The following PPM1G variants were observed in gnomAD, a reference collection of about 807,000 sequenced individuals.
The protein encoded by PPM1G is protein phosphatase, Mg2+/Mn2+ dependent 1G.
PPM1G carries 12 observed loss-of-function variants against 59.4 expected under a neutral mutation model. The ratio of observed to expected loss-of-function variants is 0.20; its 90% CI spans 0.13 to 0.33. The LOEUF (loss-of-function observed/expected upper bound fraction) is 0.33, where lower values mean the gene tolerates loss of function less well. PPM1G is among the 10% of genes least tolerant of loss of function. The pLI, the probability that PPM1G is intolerant of heterozygous loss-of-function variation, is 1.00. For missense variants in PPM1G, 392 were observed against 681.3 expected (o/e 0.58, Z 4.73); for synonymous variants, 245 against 251.9 (o/e 0.97, Z 0.26).
At chr2:27,386,855 A>T (rs1683776800) in intron 2 of PPM1G, 1 of 366,556 alleles carries the variant, frequency 2.7e-6, no homozygotes. Context: ...TTTAAAAAAT[A>T]AAAATAAAAA....
At chr2:27,393,137 T>TC in intron 1 of PPM1G, 2 of 1,374,172 alleles carry the variant, frequency 1.5e-6, no homozygotes, top group Non-Finnish European at 1.0e-6. Context: ...TTCGGCCACC[T>TC]CGTTGGTTCT....
chr2:27,405,471 T>G (rs895794587), intron 1 of PPM1G, among the ~76,000 whole-genome samples: 1 of 151,880 alleles, frequency 6.6e-6, no homozygotes, highest in Non-Finnish European at 1.5e-5. Context: ...GTTTGTTTTT[T>G]TGAGACGGAG....
rs1162601399 is a variant in PPM1G, at chr2:27,382,434, T to C, written c.1331+42A>G. On this transcript the variant is annotated intron_variant, in intron 8 of 9. Coordinates refer to ENST00000344034, the MANE Select transcript of PPM1G (RefSeq NM_177983.3). This position sits in a 1 kb window ranked among gnomAD's most constrained non-coding sequence, Gnocchi z 4.2. ...GCCCTGAGTCCTATAAGAGAAGACA[T>C]GCTGCAGAAAGGGGAATTTAGGGCA... The C allele has an allele frequency of 6.2e-7, 1 of 1,612,078 alleles. No homozygotes were observed. The highest frequency in any genetic ancestry group is 1.7e-5 in the Admixed American group (1 of 59,852).
intron 1 of PPM1G, among the ~76,000 whole-genome samples, chr2:27,397,323 C>T (rs1003077875): frequency 6.6e-6 from 1 of 151,788 alleles, no homozygotes; most frequent in African/African-American, 2.4e-5. Flanking sequence ...AAGAAGACAA[C>T]ACTTCCCAAT....
Position 27,382,112 on chromosome 2 carries a change from A to T in PPM1G, c.1434+14T>A. 1 of 1,609,884 alleles carries T rather than the reference A, an allele frequency of 6.2e-7. No homozygotes were observed. Among genetic ancestry groups the T allele is most frequent in the Non-Finnish European group, 8.5e-7 (1 of 1,176,310 alleles). ...GCAGACCAGACACCCTCTCTTCTCC[A>T]CCCTGGTACTCACCTCTTCCACAAT... On this transcript the variant is annotated intron_variant, in intron 9 of 9. Coordinates refer to ENST00000344034, the MANE Select transcript of PPM1G (RefSeq NM_177983.3). The surrounding 1 kb of genome is among the most constrained non-coding windows in gnomAD (Gnocchi z 4.2).
In PPM1G at chr2:27,383,230, G is replaced by A; in HGVS notation, c.1201+136C>T. 1.4e-6 allele frequency: 1 copy of A among 697,308 alleles called. No individual in the cohort carries two copies. Among genetic ancestry groups the A allele is most frequent in the East Asian group, 2.6e-5 (1 of 37,910 alleles). 43.2% of individuals were successfully genotyped at this position (697,308 alleles called of 1,614,324 possible). ...CTCTACCCATCTTAGTTATTTCACA[G>A]AAATATAAGAACAGAGGTAGTAGAT... is the stretch of plus-strand genomic sequence containing the variant. On this transcript the variant is annotated intron_variant, in intron 7 of 9. Transcript: ENST00000344034. This position sits in a 1 kb window ranked among gnomAD's most constrained non-coding sequence, Gnocchi z 5.0.
At chr2:27,381,952 A>G in intron 9 of PPM1G, 147 bp from the exon 10 acceptor site, 6 of 993,864 alleles carry the variant, frequency 6.0e-6, no homozygotes, top group South Asian at 1.5e-5. Context: ...CTGCTAGTCC[A>G]TAAGGCATAA....
chr2:27,393,392 G>T, intron 1 of PPM1G: 2 of 1,450,188 alleles, frequency 1.4e-6, no homozygotes, highest in Non-Finnish European at 1.9e-6. Context: ...AGAGGCGGCG[G>T]CAGCGGCAGT....
rs757161680 is a variant in PPM1G at position 27,385,922 on chromosome 2, T to A, written c.277-43A>T. On this transcript the variant is annotated intron_variant, in intron 3 of 9. Transcript: ENST00000344034. This position sits in a 1 kb window ranked among gnomAD's most constrained non-coding sequence, Gnocchi z 4.1. The stretch of plus-strand genomic sequence containing the variant: ...AGTCTAAGACTAGTACAAAATGAAC[T>A]CCCTATATACAATCCTGAGCACAAG... 1.3e-6 allele frequency: 2 copies of A among 1,594,304 alleles called. No homozygotes were observed. The highest frequency in any genetic ancestry group is 2.3e-5 in the South Asian group (2 of 88,614).
At chr2:27,392,575 T>C (rs115680062) in intron 1 of PPM1G, among the ~76,000 whole-genome samples, 1,531 of 127,086 alleles carry the variant, frequency 0.012, 33 homozygotes, top group African/African-American at 0.045. Flanking sequence ...GATTTAGGCA[T>C]GAGCCACTAC....
chr2:27,386,980 T>C (rs1363495020), intron 2 of PPM1G, 109 bp downstream of exon 2: 2 of 809,596 alleles, frequency 2.5e-6, no homozygotes, highest in South Asian at 1.6e-5. Flanking sequence ...CAGGAAATGA[T>C]AATGAGGGCC....
Position 27,381,472 on chromosome 2 carries a change from G to T in PPM1G, c.*127C>A. The T allele has an allele frequency of 9.2e-7, 1 of 1,087,364 alleles. No homozygotes were observed. Among genetic ancestry groups the T allele is most frequent in the Non-Finnish European group, 1.4e-6 (1 of 732,686 alleles). 67.4% of individuals were successfully genotyped at this position (1,087,364 alleles called of 1,614,324 possible). ...GAGAGCCCTCTTTGGAATGGGCGGA[G>T]TGAAGCCACCCAGCTCCCCCTGCAC... On this transcript the variant is annotated 3_prime_UTR_variant, in exon 10 of 10. Coordinates refer to ENST00000344034, the MANE Select transcript of PPM1G (RefSeq NM_177983.3).
chr2:27,406,275 G>C (rs1208831491), intron 1 of PPM1G, among the ~76,000 whole-genome samples: 2 of 152,076 alleles, frequency 1.3e-5, no homozygotes, highest in Non-Finnish European at 2.9e-5. Context: ...CAGAGGAATG[G>C]GAGTACTTTA....
At chr2:27,403,714 C>G (rs2148427877) in intron 1 of PPM1G, among the ~76,000 whole-genome samples, 1 of 151,990 alleles carries the variant, frequency 6.6e-6, no homozygotes, top group Middle Eastern at 3.4e-3. Context: ...CAGAGAAACC[C>G]CATCTCTACT....
chr2:27,387,960 G>A (rs1051644706), intron 1 of PPM1G, among the ~76,000 whole-genome samples: 7 of 151,472 alleles, frequency 4.6e-5, no homozygotes, highest in South Asian at 2.1e-4. Flanking sequence ...CACCACACCC[G>A]GCTAATTTTT....
intron 1 of PPM1G, among the ~76,000 whole-genome samples, chr2:27,402,578 GGGT>G (rs1684205968): frequency 6.6e-6 from 1 of 152,018 alleles, no homozygotes; most frequent in African/African-American, 2.4e-5. Context: ...AGGCCGATGT[GGGT>G]GGATCACGAG....
At chr2:27,393,839 T>C (rs750490925) in intron 1 of PPM1G, among the ~76,000 whole-genome samples, 65 of 152,246 alleles carry the variant, frequency 4.3e-4, no homozygotes, top group Middle Eastern at 3.4e-3. Context: ...CTCGGCTCAC[T>C]TCAAGCTCCG....
Position 27,409,286 on chromosome 2 carries a change from G to T in PPM1G, c.120+17C>A. 6.4e-7 allele frequency: 1 copy of T among 1,553,096 alleles called. No individual in the cohort carries two copies. Among genetic ancestry groups the T allele is most frequent in the Non-Finnish European group, 8.7e-7 (1 of 1,150,958 alleles). Reference sequence around the variant, plus strand: ...CCCGCCCCGCAGCGGCCAGCCTATGGGCCCCTGCCTCCTCACCTCCATGGA... The same window carrying T: ...CCCGCCCCGCAGCGGCCAGCCTATGTGCCCCTGCCTCCTCACCTCCATGGA... On this transcript the variant is annotated intron_variant, in intron 1 of 9. Transcript: ENST00000344034.
chr2:27,395,394 G>A (rs1407316945), intron 1 of PPM1G, among the ~76,000 whole-genome samples: 2 of 151,876 alleles, frequency 1.3e-5, no homozygotes, highest in Non-Finnish European at 2.9e-5. Context: ...AACTGGGTGT[G>A]GTGGTACACC....
Sources: gnomAD v4.1 joint callset for allele counts (sites outside exome capture counted in the v4.1 genomes callset) on GRCh38, gnomAD v4.1.1 for gene constraint, Gnocchi (gnomAD v3.1) non-coding constraint, MANE v1.5 for transcripts, NCBI Gene and HGNC (gene_info 2026-07-23, HGNC 2026-07-21) for gene names.